PIP4K2B: variants seen among roughly 807,000 people sequenced by gnomAD.
The protein encoded by PIP4K2B is phosphatidylinositol 5-phosphate 4-kinase type-2 beta.
A neutral mutation model predicts 42.0 loss-of-function variants in PIP4K2B; 3 were observed. The ratio of observed to expected loss-of-function variants is 0.07; its 90% CI spans 0.03 to 0.18. The LOEUF is 0.18. PIP4K2B is among the 10% of genes least tolerant of loss of function. PIP4K2B has a pLI of 1.00. For missense variants in PIP4K2B, 332 were observed against 562.3 expected, an observed-to-expected ratio of 0.59 and a Z score of 4.14; for synonymous variants, 204 against 210.1, an observed-to-expected ratio of 0.97 and a Z score of 0.25.
At position 38,799,449 on chromosome 17, in the gene PIP4K2B, G is replaced by A. The variant is rs758159273; in HGVS notation, c.-25C>T. ...TGCCCGGGGCGGCGGCGGCGGCGGC[G>A]AAAGAGGGGGGCGGCGGAGACAGCG... On this transcript the variant is annotated 5_prime_UTR_variant, in exon 1 of 10. Coordinates refer to ENST00000619039, the MANE Select transcript of PIP4K2B (RefSeq NM_003559.5). This position sits in a 1 kb window ranked among gnomAD's most constrained non-coding sequence, Gnocchi z 4.4. 6.5e-7 allele frequency: 1 copy of A among 1,549,286 alleles called. No homozygotes were observed. Among genetic ancestry groups the A allele is most frequent in the East Asian group, 2.4e-5 (1 of 41,434 alleles).
At chr17:38,783,826 C>T (rs936264110) in intron 3 of PIP4K2B, among the ~76,000 whole-genome samples, 1 of 152,172 alleles carries the variant, frequency 6.6e-6, no homozygotes, top group Admixed American at 6.5e-5. Flanking sequence ...GTCTCAAACT[C>T]CTGACCTCAG....
chr17:38,790,246 G>T (rs1402431691), intron 1 of PIP4K2B, among the ~76,000 whole-genome samples: 1 of 152,170 alleles, frequency 6.6e-6, no homozygotes, highest in Non-Finnish European at 1.5e-5. Flanking sequence ...ACAAGAGAAT[G>T]TGACTGTCAA....
chr17:38,769,282 T>G lies in PIP4K2B; in HGVS notation c.*409A>C. The G allele has an allele frequency of 5.4e-6, 1 of 184,044 alleles. No homozygotes were observed. The highest frequency in any genetic ancestry group is 1.1e-5 in the Non-Finnish European group (1 of 87,812). 11.4% of individuals were successfully genotyped at this position (184,044 alleles called of 1,614,324 possible). ...GAGAGCTCAGCAAAGATGGGGAGGG[T>G]GGGTAGGCTGATGAAATATGATTAT... On this transcript the variant is annotated 3_prime_UTR_variant, in exon 10 of 10. Transcript: ENST00000619039.
chr17:38,782,776 G>A (rs1366791401), intron 3 of PIP4K2B, among the ~76,000 whole-genome samples: 1 of 152,152 alleles, frequency 6.6e-6, no homozygotes, highest in Non-Finnish European at 1.5e-5. Flanking sequence ...AAAGGGGTGG[G>A]GTGGGAGGAA....
chr17:38,788,105 TA>T (rs1910134528), intron 1 of PIP4K2B, among the ~76,000 whole-genome samples: 1 of 152,188 alleles, frequency 6.6e-6, no homozygotes, highest in African/African-American at 2.4e-5. Context: ...CTCAAGAAAT[TA>T]GCTCAAGGAA....
Position 38,779,483 on chromosome 17 carries a change from C to T in PIP4K2B, c.554G>A (p.Gly185Asp). The change falls in exon 5 of 10, where the codon GGC becomes GAC. Residue 185 changes from glycine to aspartate, a missense_variant. Physicochemically the swap from Gly to Asp is moderately conservative, Grantham distance 94. Transcript: ENST00000619039. ...ACCATCCACGGTCAGGCGGTACATG[C>T]CCAGGAACTGTGGCAAAAGCGTGTT... The part of the protein sequence containing the change: ...HGNTLLPQFL[G>D]MYRLTVDGVE... The T allele has an allele frequency of 1.2e-6, 2 of 1,614,012 alleles. No individual in the cohort carries two copies. Among genetic ancestry groups the T allele is most frequent in the East Asian group, 2.2e-5 (1 of 44,884 alleles).
At chr17:38,781,612 G>A (rs1044360495) in intron 3 of PIP4K2B, among the ~76,000 whole-genome samples, 1 of 152,022 alleles carries the variant, frequency 6.6e-6, no homozygotes, top group Non-Finnish European at 1.5e-5. Flanking sequence ...TACCTCCTGG[G>A]CTCAAGTGAT....
At chr17:38,780,035 T>C (rs1055410204) in intron 4 of PIP4K2B, 1 of 179,880 alleles carries the variant, frequency 5.6e-6, no homozygotes, top group Non-Finnish European at 1.2e-5. Context: ...TCGGCCCTTC[T>C]CAGGTGCCCC....
chr17:38,768,159 C>T lies in PIP4K2B; in HGVS notation c.*1532G>A, dbSNP rs1010954611. On this transcript the variant is annotated 3_prime_UTR_variant, in exon 10 of 10. Transcript: ENST00000619039. ...ATCTTCACATCTTTGGGGTTATCTA[C>T]AAGTCTGACCATATCTCATCCCAAA... The T allele has an allele frequency of 8.5e-5, 13 of 152,268 alleles. No individual in the cohort carries two copies. The highest frequency in any genetic ancestry group is 3.1e-4 in the African/African-American group (13 of 41,468). The allele number at this position is 152,268 out of a possible 1,614,324, so 9.4% of individuals were successfully genotyped here. A position where few individuals can be genotyped will look rare whatever the true frequency, so the allele number is the denominator to read the frequency against.
At chr17:38,796,256 T>C (rs1910657698) in intron 1 of PIP4K2B, among the ~76,000 whole-genome samples, 1 of 152,218 alleles carries the variant, frequency 6.6e-6, no homozygotes, top group South Asian at 2.1e-4. Context: ...CTGGAACTCT[T>C]ATACACTGCT....
chr17:38,774,522 A>C (rs1909212476), intron 7 of PIP4K2B, among the ~76,000 whole-genome samples: 1 of 152,160 alleles, frequency 6.6e-6, no homozygotes, highest in Non-Finnish European at 1.5e-5. Flanking sequence ...TAATCCCAGC[A>C]CTTTGGGAGG....
chr17:38,790,631 G>A (rs1310873592), intron 1 of PIP4K2B, among the ~76,000 whole-genome samples: 1 of 152,128 alleles, frequency 6.6e-6, no homozygotes, highest in Non-Finnish European at 1.5e-5. Context: ...GCTAATTTTT[G>A]TATTTTTAGT....
At chr17:38,772,837 C>T (rs1263071746) in intron 7 of PIP4K2B, among the ~76,000 whole-genome samples, 1 of 152,160 alleles carries the variant, frequency 6.6e-6, no homozygotes, top group African/African-American at 2.4e-5. Flanking sequence ...GCCTCAGCCT[C>T]CCAAAAGTGC....
chr17:38,784,075 C>T (rs1909863791), intron 3 of PIP4K2B, among the ~76,000 whole-genome samples, 168 bp downstream of exon 3: 1 of 152,198 alleles, frequency 6.6e-6, no homozygotes, highest in African/African-American at 2.4e-5. Context: ...GGCCCTCGCC[C>T]TGCAAGGGGC....
Position 38,797,359 on chromosome 17 carries a change from G to A in PIP4K2B, c.159+1907C>T, listed in dbSNP as rs1910708073. On this transcript the variant is annotated intron_variant, in intron 1 of 9. Coordinates refer to ENST00000619039, the MANE Select transcript of PIP4K2B (RefSeq NM_003559.5). ...CACTCCCAGGACCTGACATGCATAGGCGTATAACCCAGAGCATATATTCAC... is the reference window on the plus strand; with the variant it reads ...CACTCCCAGGACCTGACATGCATAGACGTATAACCCAGAGCATATATTCAC... 2.0e-5 allele frequency among the ~76,000 whole-genome samples: 3 copies of A among 152,256 alleles called. No homozygotes were observed. In the South Asian group the frequency reaches 6.2e-4, roughly 32 times the overall value.
rs185408583 is a variant in PIP4K2B, at chr17:38,798,156, T to C, written c.159+1110A>G. On this transcript the variant is annotated intron_variant, in intron 1 of 9. Transcript: ENST00000619039. ...TCATCGCTTGGTCTTGTGAGCAATT[T>C]CAAGCACTCACAAGTGAACCTAAAG... is the stretch of plus-strand genomic sequence containing the variant. 9.8e-5 allele frequency among the ~76,000 whole-genome samples: 15 copies of C among 152,324 alleles called. No homozygotes were observed. The South Asian group carries it at 1.0e-3, about 11-fold the overall frequency.
rs1908899766 is a variant in PIP4K2B at position 38,769,678 on chromosome 17, A to C, written c.*13T>G. On this transcript the variant is annotated 3_prime_UTR_variant, in exon 10 of 10. Transcript: ENST00000619039. ...TATCCAGCTCTCTGGCTCTGGCTGA[A>C]GGTAGAAGAGAACTACGTCAGGATG... 7.1e-7 allele frequency: 1 copy of C among 1,415,060 alleles called. No individual in the cohort carries two copies. The highest frequency in any genetic ancestry group is 1.4e-5 in the African/African-American group (1 of 71,214). 87.7% of individuals were successfully genotyped at this position (1,415,060 alleles called of 1,614,324 possible).
intron 1 of PIP4K2B, among the ~76,000 whole-genome samples, chr17:38,793,060 A>C (rs1910423848): frequency 6.8e-6 from 1 of 148,022 alleles, no homozygotes; most frequent in South Asian, 2.1e-4. Flanking sequence ...TCTTGGGTAG[A>C]TGGGATTACA....
At chr17:38,771,891 G>A (rs551797772) in intron 7 of PIP4K2B, among the ~76,000 whole-genome samples, 2 of 152,250 alleles carry the variant, frequency 1.3e-5, no homozygotes, top group African/African-American at 2.4e-5. Context: ...TTGGCTGGGC[G>A]TGGCAGTGCA....
Sources: allele counts gnomAD v4.1 joint callset (sites outside exome capture counted in the v4.1 genomes callset), GRCh38; gene constraint gnomAD v4.1.1; non-coding constraint Gnocchi (gnomAD v3.1); transcripts MANE v1.5; gene names NCBI Gene and HGNC (gene_info 2026-07-23, HGNC 2026-07-21).